PROSER2: variants seen among roughly 807,000 people sequenced by gnomAD.
PROSER2 encodes proline and serine rich 2.
In PROSER2, 18 loss-of-function variants were observed where a neutral mutation model predicts 14.6. The ratio of observed to expected loss-of-function variants is 1.23; its 90% CI spans 0.85 to 1.83. The LOEUF (loss-of-function observed/expected upper bound fraction) is 1.83, where lower values mean the gene tolerates loss of function less well. PROSER2 is among the 40% of genes most tolerant of loss of function. PROSER2 has a pLI of 0.00. For synonymous variants in PROSER2, 367 were observed against 286.4 expected (o/e 1.28, Z -2.84); for missense variants, 823 against 629.8 (o/e 1.31, Z -3.28).
intron 1 of PROSER2, chr10:11,850,415 T>G (rs941915577): frequency 1.3e-5 from 2 of 152,288 alleles, no homozygotes; most frequent in African/African-American, 4.8e-5. Context: ...GCTCCTGAGA[T>G]GATGGCGGGA....
At chr10:11,841,377 CA>C (rs1241566795) in intron 1 of PROSER2, among the ~76,000 whole-genome samples, 1 of 152,072 alleles carries the variant, frequency 6.6e-6, no homozygotes, top group African/African-American at 2.4e-5. Flanking sequence ...TTAATATTTT[CA>C]AAAACCAATT....
At chr10:11,846,789 G>C (rs1833928491) in intron 1 of PROSER2, among the ~76,000 whole-genome samples, 1 of 152,180 alleles carries the variant, frequency 6.6e-6, no homozygotes, top group African/African-American at 2.4e-5. Context: ...GGCCAGCTCT[G>C]TCACGCAGGC....
rs530555205 is a variant in PROSER2 at position 11,851,778 on chromosome 10, A to G, written c.-81-219A>G. ...ATCTCTGAAAAAAAAACAACAACAA[A>G]CTTTTAAAAATTATTCTTATGTGTT... is the stretch of plus-strand genomic sequence containing the variant. On this transcript the variant is annotated intron_variant, in intron 1 of 3. Coordinates refer to ENST00000277570, the MANE Select transcript of PROSER2 (RefSeq NM_153256.4). 185 of 212,822 alleles carry G rather than the reference A, an allele frequency of 8.7e-4. 1 individual carries two copies. The highest frequency in any genetic ancestry group is 1.6e-3 in the Non-Finnish European group (174 of 108,360). 13.2% of individuals were successfully genotyped at this position (212,822 alleles called of 1,614,324 possible).
intron 2 of PROSER2, among the ~76,000 whole-genome samples, chr10:11,860,459 T>A (rs576827925): frequency 4.0e-4 from 61 of 151,168 alleles, no homozygotes; most frequent in African/African-American, 1.4e-3. Flanking sequence ...CTGCTAAAAA[T>A]ACAAAAATTA....
At chr10:11,827,316 C>T (rs1833629289) in intron 1 of PROSER2, among the ~76,000 whole-genome samples, 1 of 151,954 alleles carries the variant, frequency 6.6e-6, no homozygotes, top group Admixed American at 6.6e-5. Flanking sequence ...TTGGCCACAT[C>T]TTCTTTAGAG....
In PROSER2 at chr10:11,870,249, C is replaced by G; in HGVS notation, c.1151C>G (p.Pro384Arg). The stretch of plus-strand genomic sequence containing the variant: ...AGCACGCGGGCCCGTCAGAGCTTCC[C>G]CGGGCCCCGGCAGCCCAACGGCGCC... The part of the protein sequence containing the change: ...LPSTRARQSF[P>R]GPRQPNGAQD... The change falls in exon 4 of 4, where the codon CCC becomes CGC. Residue 384 changes from proline to arginine, a missense_variant. Physicochemically the swap from Pro to Arg is moderately radical, Grantham distance 103. Transcript: ENST00000277570. The G allele has an allele frequency of 7.4e-6, 11 of 1,488,150 alleles. No homozygotes were observed. The highest frequency in any genetic ancestry group is 9.8e-6 in the Non-Finnish European group (11 of 1,126,896). The allele number at this position is 1,488,150 out of a possible 1,614,324, so 92.2% of individuals were successfully genotyped here.
In PROSER2 at chr10:11,869,987, C is replaced by A. The variant is rs775942718; in HGVS notation, c.889C>A (p.Pro297Thr). 5.5e-3 allele frequency: 7,032 copies of A among 1,284,230 alleles called. 28 individuals carry two copies. Among genetic ancestry groups the A allele is most frequent in the Non-Finnish European group, 6.3e-3 (6,464 of 1,018,924 alleles). 79.6% of individuals were successfully genotyped at this position (1,284,230 alleles called of 1,614,324 possible). The change falls in exon 4 of 4, where the codon CCC becomes ACC. Residue 297 changes from proline to threonine, a missense_variant. Coordinates refer to ENST00000277570, the MANE Select transcript of PROSER2 (RefSeq NM_153256.4). The surrounding 1 kb of genome is among the most constrained non-coding windows in gnomAD (Gnocchi z 4.4). ...CATCCACGGCCACGCCGGCGCCTTC[C>A]CCGCCGCGGGGGACGCCGGCGAGGG... The part of the protein sequence containing the change: ...ATIHGHAGAF[P>T]AAGDAGEGAP...
intron 1 of PROSER2, among the ~76,000 whole-genome samples, chr10:11,827,273 G>A (rs530575999): frequency 2.0e-5 from 3 of 151,992 alleles, no homozygotes; most frequent in East Asian, 1.9e-4. Context: ...TTTCTCGAAC[G>A]ACTTCGTTGC....
chr10:11,832,937 A>T (rs942779247), intron 1 of PROSER2, among the ~76,000 whole-genome samples: 17 of 151,942 alleles, frequency 1.1e-4, no homozygotes, highest in African/African-American at 4.1e-4. Context: ...CCACCTCCCA[A>T]ATTCAAGCAA....
At position 11,865,550 on chromosome 10, in the gene PROSER2, C is replaced by G. The variant is rs772601551; in HGVS notation, c.139-981C>G. Among the ~76,000 whole-genome samples, 1 of 152,232 alleles carries G rather than the reference C, an allele frequency of 6.6e-6. No homozygotes were observed. Among genetic ancestry groups the G allele is most frequent in the Non-Finnish European group, 1.5e-5 (1 of 68,046 alleles). On this transcript the variant is annotated intron_variant, in intron 2 of 3. Coordinates refer to ENST00000277570, the MANE Select transcript of PROSER2 (RefSeq NM_153256.4). This position sits in a 1 kb window ranked among gnomAD's most constrained non-coding sequence, Gnocchi z 4.2. ...AGTAAGAAACTGCTGCGCAGTTCTA[C>G]ACTGGGATTCGTTGACTGTAATCTT...
intron 1 of PROSER2, among the ~76,000 whole-genome samples, chr10:11,833,744 A>G (rs1207763833): frequency 6.6e-6 from 1 of 152,176 alleles, no homozygotes; most frequent in Non-Finnish European, 1.5e-5. Context: ...TAATGGAGGA[A>G]AACAAGAATT....
chr10:11,842,717 A>G (rs552303053), intron 1 of PROSER2, among the ~76,000 whole-genome samples: 8 of 152,104 alleles, frequency 5.3e-5, no homozygotes, highest in South Asian at 2.1e-4. Flanking sequence ...TTTTATTTAT[A>G]TAGAAATTTA....
rs1834272719 is a variant in PROSER2 at position 11,862,979 on chromosome 10, C to CCCAAGCAGA, written c.139-3551_139-3550insCAAGCAGAC. 6.6e-6 allele frequency: 1 copy of CCCAAGCAGA among 152,192 alleles called. No individual in the cohort carries two copies. The highest frequency in any genetic ancestry group is 1.5e-5 in the Non-Finnish European group (1 of 68,054). 9.4% of individuals were successfully genotyped at this position (152,192 alleles called of 1,614,324 possible). ...GTACAACCACTTCGGAAAGCTGTGTCCACCCACCCAAGCAGACACACATCT... is the reference window on the plus strand; with the variant it reads ...GTACAACCACTTCGGAAAGCTGTGTCCCAAGCAGACACCCACCCAAGCAGACACACATCT... On this transcript the variant is annotated intron_variant, in intron 2 of 3. Transcript: ENST00000277570. The surrounding 1 kb of genome is among the most constrained non-coding windows in gnomAD (Gnocchi z 4.2).
At chr10:11,854,515 T>A (rs777776807) in intron 2 of PROSER2, among the ~76,000 whole-genome samples, 1 of 152,194 alleles carries the variant, frequency 6.6e-6, no homozygotes, top group African/African-American at 2.4e-5. Context: ...CTTGCTATGT[T>A]GAACAGGCTG....
rs146165268 is a variant in PROSER2, at chr10:11,831,009, C to T, written c.-82+7539C>T. ...TGGTGGAAGATGAGGTTAAAAGTTT[C>T]ATGCTTTGGATTCCCACCAGGAGGT... is the stretch of plus-strand genomic sequence containing the variant. On this transcript the variant is annotated intron_variant, in intron 1 of 3. Transcript: ENST00000277570. 2.6e-5 allele frequency among the ~76,000 whole-genome samples: 4 copies of T among 152,198 alleles called. No homozygotes were observed. The East Asian group carries it at 7.7e-4, about 29-fold the overall frequency.
At chr10:11,860,477 G>T (rs1216006135) in intron 2 of PROSER2, among the ~76,000 whole-genome samples, 1 of 151,978 alleles carries the variant, frequency 6.6e-6, no homozygotes, top group African/African-American at 2.4e-5. Flanking sequence ...TTAGCCAGGC[G>T]TGGTGGCGGG....
intron 1 of PROSER2, among the ~76,000 whole-genome samples, chr10:11,840,959 T>A (rs1400571708): frequency 8.3e-4 from 27 of 32,536 alleles, no homozygotes; most frequent in African/African-American, 1.1e-3. Context: ...AAAAAAAATA[T>A]ATATATATAT....
At chr10:11,852,336 G>A in intron 2 of PROSER2, 121 bp downstream of exon 2, 1 of 1,095,600 alleles carries the variant, frequency 9.1e-7, no homozygotes, top group South Asian at 1.7e-5. Flanking sequence ...TGATGTTCTG[G>A]AATACTTCTT....
intron 1 of PROSER2, among the ~76,000 whole-genome samples, chr10:11,845,689 G>A (rs1302714476): frequency 2.6e-5 from 4 of 152,180 alleles, no homozygotes; most frequent in Non-Finnish European, 5.9e-5. Context: ...AGGGAGCTGA[G>A]AGGAAGGGCA....
Sources: allele counts gnomAD v4.1 joint callset (sites outside exome capture counted in the v4.1 genomes callset), GRCh38; gene constraint gnomAD v4.1.1; non-coding constraint Gnocchi (gnomAD v3.1); transcripts MANE v1.5; gene names NCBI Gene and HGNC (gene_info 2026-07-23, HGNC 2026-07-21).